The following CPA6 variants were observed in gnomAD, a reference collection of about 807,000 sequenced individuals.
CPA6 encodes carboxypeptidase B.
In CPA6, 58 loss-of-function variants were observed where a neutral mutation model predicts 63.3. The observed-to-expected ratio is 0.92, with a 90% confidence interval of 0.74 to 1.14. CPA6 has a LOEUF of 1.14. Among genes scored for constraint, CPA6 ranks in the 50% most tolerant of loss-of-function variants. CPA6 has a pLI of 0.00. For synonymous variants in CPA6, 185 were observed against 179.0 expected, an observed-to-expected ratio of 1.03 and a Z score of -0.27; for missense variants, 565 against 526.6, an observed-to-expected ratio of 1.07 and a Z score of -0.71.
At chr8:67,562,942 T>C (rs2220148) in intron 2 of CPA6, among the ~76,000 whole-genome samples, 62 of 152,212 alleles carry the variant, frequency 4.1e-4, no homozygotes, top group African/African-American at 1.4e-3. Flanking sequence ...CCTGATATAC[T>C]ATATTGCAAT....
chr8:67,670,743 C>A (rs1487437365), intron 1 of CPA6, among the ~76,000 whole-genome samples: 2 of 152,134 alleles, frequency 1.3e-5, no homozygotes, highest in Non-Finnish European at 2.9e-5. Context: ...AGACGCAAAT[C>A]AACATCAAGT....
intron 1 of CPA6, among the ~76,000 whole-genome samples, chr8:67,703,933 TTG>T (rs1491180922): frequency 7.4e-5 from 11 of 148,634 alleles, no homozygotes; most frequent in East Asian, 2.0e-4. Context: ...TGCTTTTTTT[TTG>T]TTGTTGTTGT....
intron 8 of CPA6, among the ~76,000 whole-genome samples, chr8:67,448,656 G>GAAAAAAAAAA (rs1810485855): frequency 7.3e-5 from 5 of 68,774 alleles, no homozygotes; most frequent in African/African-American, 1.8e-4. Flanking sequence ...AAAAAAAAAG[G>GAAAAAAAAAA]AAAGAACGAA....
At chr8:67,679,465 T>C (rs964904098) in intron 1 of CPA6, among the ~76,000 whole-genome samples, 1 of 152,222 alleles carries the variant, frequency 6.6e-6, no homozygotes, top group African/African-American at 2.4e-5. Context: ...GTCTTTTTAT[T>C]GATAATGTAG....
At chr8:67,616,109 TC>T (rs1366001178) in intron 2 of CPA6, among the ~76,000 whole-genome samples, 1 of 152,032 alleles carries the variant, frequency 6.6e-6, no homozygotes, top group Non-Finnish European at 1.5e-5. Context: ...ACATCCATAA[TC>T]CCCTAGGGAG....
chr8:67,683,525 T>C (rs2128996267), intron 1 of CPA6, among the ~76,000 whole-genome samples: 1 of 152,292 alleles, frequency 6.6e-6, no homozygotes, highest in African/African-American at 2.4e-5. Flanking sequence ...TACTCTGACA[T>C]ACAAGATCCT....
chr8:67,609,595 C>A (rs779573490), intron 2 of CPA6, among the ~76,000 whole-genome samples: 1 of 152,088 alleles, frequency 6.6e-6, no homozygotes, highest in Non-Finnish European at 1.5e-5. Flanking sequence ...TAGGTAACCC[C>A]GAGAGATTTT....
intron 2 of CPA6, among the ~76,000 whole-genome samples, chr8:67,570,247 A>C (rs183146219): frequency 8.8e-4 from 134 of 152,332 alleles, no homozygotes; most frequent in African/African-American, 3.0e-3. Flanking sequence ...GAAGAAATAA[A>C]ACTTCCCCAG....
chr8:67,489,318 T>C (rs1400240832), intron 6 of CPA6, among the ~76,000 whole-genome samples: 1 of 152,158 alleles, frequency 6.6e-6, no homozygotes, highest in Non-Finnish European at 1.5e-5. Flanking sequence ...GGAGACTTTA[T>C]TCGTTTCTCA....
chr8:67,694,974 TG>T (rs1318782133), intron 1 of CPA6, among the ~76,000 whole-genome samples: 1 of 151,938 alleles, frequency 6.6e-6, no homozygotes, highest in Non-Finnish European at 1.5e-5. Context: ...GGAAAATTGG[TG>T]AACAAAAAAT....
chr8:67,573,332 G>T (rs2128976747), intron 2 of CPA6, among the ~76,000 whole-genome samples: 1 of 152,294 alleles, frequency 6.6e-6, no homozygotes, highest in African/African-American at 2.4e-5. Context: ...AAGTTAAATT[G>T]TCACTGTTGG....
At position 67,678,227 on chromosome 8, in the gene CPA6, TCACACACACACACA is replaced by T. The variant is rs1229557199; in HGVS notation, c.117-53990_117-53977del. Among the ~76,000 whole-genome samples the T allele has an allele frequency of 4.5e-3, 576 of 127,664 alleles. 6 individuals carry two copies. Among genetic ancestry groups the T allele is most frequent in the Non-Finnish European group, 4.1e-3 (262 of 63,152 alleles). The allele number at this position is 127,664 out of a possible 152,430, so 83.8% of individuals were successfully genotyped here. ...TGGGAGATAATTGTAAAACTCTGTC[TCACACACACACACA>T]CACACACACACACACACACACAAAC... On this transcript the variant is annotated intron_variant, in intron 1 of 10. Coordinates refer to ENST00000297770, the MANE Select transcript of CPA6 (RefSeq NM_020361.5).
intron 2 of CPA6, among the ~76,000 whole-genome samples, chr8:67,536,546 T>C (rs1812588718): frequency 6.6e-6 from 1 of 152,214 alleles, no homozygotes; most frequent in South Asian, 2.1e-4. Context: ...ACATTGATTT[T>C]GTATCCTGAG....
rs1477384059 is a variant in CPA6, at chr8:67,713,081, GTA to G, written c.116+32931_116+32932del. Among the ~76,000 whole-genome samples the G allele has an allele frequency of 2.8e-3, 193 of 69,764 alleles. 1 individual carries two copies. The highest frequency in any genetic ancestry group is 3.0e-3 in the Non-Finnish European group (103 of 34,126). The allele number at this position is 69,764 out of a possible 152,430, so 45.8% of individuals were successfully genotyped here. On this transcript the variant is annotated intron_variant, in intron 1 of 10. Transcript: ENST00000297770. ...TATAAGCATGTGTGTATCTGTGTGTGTATGTGTGTGTGTGTGTGTATATATAT... is the reference window on the plus strand; with the variant it reads ...TATAAGCATGTGTGTATCTGTGTGTGTGTGTGTGTGTGTGTGTATATATAT...
At chr8:67,600,964 T>C (rs1240606246) in intron 2 of CPA6, among the ~76,000 whole-genome samples, 1 of 152,204 alleles carries the variant, frequency 6.6e-6, no homozygotes, top group African/African-American at 2.4e-5. Flanking sequence ...CTACTCTTTA[T>C]GGAGAACAGC....
intron 1 of CPA6, among the ~76,000 whole-genome samples, chr8:67,660,322 GT>G (rs869189030): frequency 0.011 from 842 of 73,870 alleles, no homozygotes; most frequent in Middle Eastern, 0.031. Context: ...ATTATTGCAG[GT>G]TTTTTTTTTT....
rs372306981 is a variant in CPA6, at chr8:67,624,244, C to A, written c.124G>T (p.Val42Leu). 3 of 1,464,244 alleles carry A rather than the reference C, an allele frequency of 2.0e-6. No individual in the cohort carries two copies. The Admixed American group carries it at 5.2e-5, about 26-fold the overall frequency. 90.7% of individuals were successfully genotyped at this position (1,464,244 alleles called of 1,614,324 possible). A position where few individuals can be genotyped will look rare whatever the true frequency, so the allele number is the denominator to read the frequency against. The change falls in exon 2 of 11, where the codon GTG becomes TTG. Residue 42 changes from valine to leucine, a missense_variant. Transcript: ENST00000297770. ...LYNNRYAGDK[V>L]IRFIPKTEEE... ...TCTGTTTTGGGAATAAATCTTATCA[C>A]TTTATCACTACAAGATAAGAAAAGA...
intron 1 of CPA6, among the ~76,000 whole-genome samples, chr8:67,674,733 G>C (rs1008433076): frequency 6.6e-6 from 1 of 152,024 alleles, no homozygotes; most frequent in Non-Finnish European, 1.5e-5. Flanking sequence ...TATGTTTGTC[G>C]CAATGCAATT....
At chr8:67,735,057 G>A (rs189020766) in intron 1 of CPA6, 19 of 152,322 alleles carry the variant, frequency 1.2e-4, no homozygotes, top group African/African-American at 4.6e-4. Context: ...AGATTGAAAT[G>A]TTATAAAAAT....
Sources: gnomAD v4.1 joint callset for allele counts (sites outside exome capture counted in the v4.1 genomes callset) on GRCh38, gnomAD v4.1.1 for gene constraint, MANE v1.5 for transcripts, NCBI Gene and HGNC (gene_info 2026-07-23, HGNC 2026-07-21) for gene names.